The following PZP variants were observed in gnomAD, a reference collection of about 807,000 sequenced individuals.
PZP encodes the protein PZP alpha-2-macroglobulin like, also known as pregnancy zone protein.
Under a neutral mutation model 179.8 loss-of-function variants are expected in PZP, and 150 were observed. The observed-to-expected ratio is 0.83, with a 90% CI of 0.73 to 0.96. PZP has a LOEUF of 0.96. PZP is among the 40% of genes least tolerant of loss of function. PZP has a pLI of 0.00. For missense variants in PZP, 1,689 were observed against 1,764.0 expected, an observed-to-expected ratio of 0.96 and a Z score of 0.76; for synonymous variants, 624 against 652.3, an observed-to-expected ratio of 0.96 and a Z score of 0.66.
chr12:9,149,090 A>T, intron 35 of PZP, 96 bp from the exon 36 acceptor site: 2 of 1,102,208 alleles, frequency 1.8e-6, no homozygotes, highest in Non-Finnish European at 2.8e-6. Context: ...AGGGTCAGGA[A>T]ACTTTGTGAA....
intron 20 of PZP, among the ~76,000 whole-genome samples, 160 bp from the exon 21 acceptor site, chr12:9,163,949 G>A (rs1047325487): frequency 6.6e-6 from 1 of 152,178 alleles, no homozygotes; most frequent in African/African-American, 2.4e-5. Flanking sequence ...GTCCAAGATA[G>A]TGATTCTGGG....
At chr12:9,199,015 G>A (rs1944001305) in intron 7 of PZP, among the ~76,000 whole-genome samples, 1 of 152,172 alleles carries the variant, frequency 6.6e-6, no homozygotes, top group Admixed American at 6.5e-5. Flanking sequence ...ACTGTAAGAG[G>A]TATCTGTAAT....
At position 9,160,572 on chromosome 12, in the gene PZP, TCA is replaced by T; in HGVS notation, c.2873-84_2873-83del. 20 of 1,266,778 alleles carry T rather than the reference TCA, an allele frequency of 1.6e-5. No individual in the cohort carries two copies. The South Asian group carries it at 2.4e-4, about 15-fold the overall frequency. 78.5% of individuals were successfully genotyped at this position (1,266,778 alleles called of 1,614,324 possible). On this transcript the variant is annotated intron_variant, in intron 23 of 35. Transcript: ENST00000261336. ...TTATTAACAAAAATGGCCTTTATAT[TCA>T]GAGTCTATCATTTAGGTAAGAGAAA...
chr12:9,157,821 C>A lies in PZP; in HGVS notation c.3315G>T (p.Ala1105=). ...CAATAGTAACATAGGCGGAGAGGGT[C>A]GCTTCATCTTCTACACCTCCCTGTG... ...NAIKGGVEDE[A]TLSAYVTIAL... Residue 1105 remains alanine (A), a synonymous_variant, in exon 27 of 36, where the codon GCG becomes GCT. Transcript: ENST00000261336. 3 of 1,613,936 alleles carry A rather than the reference C, an allele frequency of 1.9e-6. No homozygotes were observed. The highest frequency in any genetic ancestry group is 2.5e-6 in the Non-Finnish European group (3 of 1,179,850).
downstream of PZP, among the ~76,000 whole-genome samples, chr12:9,146,937 T>G (rs1940041196): frequency 6.6e-6 from 1 of 151,840 alleles, no homozygotes; most frequent in Non-Finnish European, 1.5e-5. Context: ...CAGGCGGAAG[T>G]TGAGAGCTGG....
Position 9,203,929 on chromosome 12 carries a change from A to G in PZP, c.106T>C (p.Ser36Pro). ...TEPQYMVLVP[S>P]LLHTEAPKKG... is the part of the protein sequence containing the mutation. Reference sequence around the variant, plus strand: ...TTAGGGGCCTCAGTGTGGAGCAGGGAGGGGACCAGCACCATATACTGCCTG... The same window carrying G: ...TTAGGGGCCTCAGTGTGGAGCAGGGGGGGGACCAGCACCATATACTGCCTG... Residue 36 changes from serine to proline, a missense_variant, in exon 2 of 36, where the codon TCC (serine) becomes CCC (proline). Ser to Pro is a moderately conservative substitution (Grantham distance 74, BLOSUM62 -1). This residue lies in a region of PZP where 742 missense variants were observed against 730.5 expected (regional missense o/e 1.02). Transcript: ENST00000261336. 6.2e-7 allele frequency: 1 copy of G among 1,613,878 alleles called. No homozygotes were observed. The highest frequency in any genetic ancestry group is 8.5e-7 in the Non-Finnish European group (1 of 1,179,768).
intron 13 of PZP, among the ~76,000 whole-genome samples, chr12:9,187,077 CAAAA>C (rs59000486): frequency 4.7e-5 from 6 of 128,710 alleles, no homozygotes; most frequent in Admixed American, 7.7e-5. Context: ...CAAGAAAGGT[CAAAA>C]AAAAAAAAAA....
At chr12:9,204,524 A>C (rs1344757626) in intron 1 of PZP, among the ~76,000 whole-genome samples, 3 of 152,234 alleles carry the variant, frequency 2.0e-5, no homozygotes, top group Admixed American at 2.0e-4. Context: ...CAACACTGAA[A>C]AAAAGTATTT....
chr12:9,147,722 T>C (rs1208725809), downstream of PZP, among the ~76,000 whole-genome samples: 1 of 152,214 alleles, frequency 6.6e-6, no homozygotes, highest in Non-Finnish European at 1.5e-5. Context: ...TACTGTGTTA[T>C]GGCTCCACTC....
At chr12:9,151,574 T>C in intron 33 of PZP, 30 bp downstream of exon 33, 2 of 1,592,976 alleles carry the variant, frequency 1.3e-6, no homozygotes, top group South Asian at 1.1e-5. Context: ...GACCCATATG[T>C]AGTCTCAGCC....
chr12:9,150,079 A>G (rs927921298), intron 34 of PZP, among the ~76,000 whole-genome samples: 1 of 152,134 alleles, frequency 6.6e-6, no homozygotes, highest in Non-Finnish European at 1.5e-5. Context: ...TTGCCTCTCA[A>G]ACTTATTGCT....
In PZP at chr12:9,164,180, C is replaced by T; in HGVS notation, c.2567G>A (p.Gly856Glu). 1 of 1,610,244 alleles carries T rather than the reference C, an allele frequency of 6.2e-7. No individual in the cohort carries two copies. The highest frequency in any genetic ancestry group is 8.5e-7 in the Non-Finnish European group (1 of 1,176,474). ...CCAAGACAAGGTTTGTCTCTCATTT[C>T]CACAGATACAATAGGATTCTTCTCC... ...TKGEESYCIC[G>E]NERQTLSWTV... Residue 856 changes from glycine (G) to glutamate (E), a missense_variant, in exon 20 of 36, where the codon GGA becomes GAA. Gly to Glu is a moderately conservative substitution (Grantham distance 98). Transcript: ENST00000261336.
At position 9,168,906 on chromosome 12, in the gene PZP, G is replaced by A. The variant is rs1161962242; in HGVS notation, c.2070C>T (p.Ser690=). Residue 690 remains serine (S), a synonymous_variant, in exon 17 of 36, where the codon TCC becomes TCT. Coordinates refer to ENST00000261336, the MANE Select transcript of PZP (RefSeq NM_002864.3). ...RKPKSCSVIP[S]VSAGAVGQGY... ...CTTGACCTACTGCTCCTGCAGACAC[G>A]GAAGGGATGACTGAACACGACTTTG... 9 of 1,614,008 alleles carry A rather than the reference G, an allele frequency of 5.6e-6. No homozygotes were observed. Among genetic ancestry groups the A allele is most frequent in the African/African-American group, 2.7e-5 (2 of 75,018 alleles).
At chr12:9,191,920 T>C (rs1190360143) in intron 13 of PZP, among the ~76,000 whole-genome samples, 1 of 152,142 alleles carries the variant, frequency 6.6e-6, no homozygotes, top group Non-Finnish European at 1.5e-5. Context: ...CAGCTTAGAT[T>C]TTGAAAAGAG....
At chr12:9,148,314 T>A (rs1940116042), downstream of PZP, among the ~76,000 whole-genome samples, 1 of 152,204 alleles carries the variant, frequency 6.6e-6, no homozygotes, top group Non-Finnish European at 1.5e-5. Context: ...AAATAATCTA[T>A]AGGATGCAGG....
chr12:9,189,861 T>C (rs1221258550), intron 13 of PZP, among the ~76,000 whole-genome samples: 2 of 152,022 alleles, frequency 1.3e-5, no homozygotes, highest in Non-Finnish European at 2.9e-5. Flanking sequence ...CAAAAGAAGA[T>C]ATACATGTGG....
chr12:9,158,322 T>C, intron 26 of PZP, 98 bp downstream of exon 26: 1 of 1,492,898 alleles, frequency 6.7e-7, no homozygotes, highest in Non-Finnish European at 9.2e-7. Flanking sequence ...CATCCAGGAC[T>C]TCATCTTTGC....
At chr12:9,150,567 T>G in intron 34 of PZP, 77 bp downstream of exon 34, 1 of 971,260 alleles carries the variant, frequency 1.0e-6, no homozygotes, top group Non-Finnish European at 1.6e-6. Flanking sequence ...CTAAGTGGGC[T>G]AAGAAGAGGA....
At chr12:9,162,688 T>A in intron 21 of PZP, 40 bp from the exon 22 acceptor site, 3 of 1,482,060 alleles carry the variant, frequency 2.0e-6, no homozygotes, top group Non-Finnish European at 2.8e-6. Context: ...GATAGAAACA[T>A]CCTGGTGACA....
Sources: allele counts gnomAD v4.1 joint callset (sites outside exome capture counted in the v4.1 genomes callset), GRCh38; gene constraint gnomAD v4.1.1; regional missense constraint gnomAD v4.1.1; transcripts MANE v1.5; gene names NCBI Gene and HGNC (gene_info 2026-07-23, HGNC 2026-07-21).